Variants in SBF2 observed in about 807,000 individuals in gnomAD.
SBF2 encodes the protein myotubularin-related protein 13.
A neutral mutation model predicts 225.2 loss-of-function variants in SBF2; 112 were observed. That is an observed-to-expected ratio of 0.50 (90% confidence interval 0.43 to 0.58). The LOEUF is 0.58. Among genes scored for constraint, SBF2 ranks in the 20% least tolerant of loss-of-function variants. SBF2 has a pLI of 0.00. For missense variants in SBF2, 1,996 were observed against 2,206.2 expected (o/e 0.90, Z 1.91); for synonymous variants, 763 against 773.3 (o/e 0.99, Z 0.22).
chr11:9,939,984 C>G (rs1430094565), intron 16 of SBF2, among the ~76,000 whole-genome samples: 1 of 152,162 alleles, frequency 6.6e-6, no homozygotes, highest in Non-Finnish European at 1.5e-5. Flanking sequence ...TATATTGACA[C>G]TGAATCTCTT....
intron 2 of SBF2, among the ~76,000 whole-genome samples, chr11:10,127,546 G>A (rs1470375349): frequency 3.3e-5 from 5 of 151,970 alleles, no homozygotes; most frequent in Admixed American, 3.3e-4. Flanking sequence ...AGTTCTCCAT[G>A]GAGTCTTTCC....
chr11:10,078,087 G>T (rs147697623), intron 2 of SBF2, among the ~76,000 whole-genome samples: 1 of 152,182 alleles, frequency 6.6e-6, no homozygotes, highest in African/African-American at 2.4e-5. Flanking sequence ...ACCACAATGA[G>T]ATACCATCTC....
chr11:10,188,098 AT>A (rs1294047943), intron 2 of SBF2, among the ~76,000 whole-genome samples: 1 of 152,236 alleles, frequency 6.6e-6, no homozygotes, highest in East Asian at 1.9e-4. Context: ...ACTGAACCAC[AT>A]TAGTCTCTTA....
At chr11:10,015,759 C>T (rs1204321464) in intron 6 of SBF2, among the ~76,000 whole-genome samples, 2 of 152,006 alleles carry the variant, frequency 1.3e-5, no homozygotes, top group African/African-American at 4.8e-5. Flanking sequence ...TATGTCATGT[C>T]AAGTCTAGTC....
intron 2 of SBF2, among the ~76,000 whole-genome samples, chr11:10,104,231 T>C (rs1952453443): frequency 6.6e-6 from 1 of 152,246 alleles, no homozygotes; most frequent in East Asian, 1.9e-4. Context: ...GAGGCAAAAA[T>C]TTGTGTCCTA....
intron 3 of SBF2, among the ~76,000 whole-genome samples, chr11:10,038,265 A>G (rs1245595835): frequency 6.6e-6 from 1 of 152,022 alleles, no homozygotes; most frequent in East Asian, 1.9e-4. Context: ...CCTCATCTGT[A>G]AAATGGAAAT....
chr11:10,176,977 A>T (rs1591142791), intron 2 of SBF2, among the ~76,000 whole-genome samples: 1 of 152,076 alleles, frequency 6.6e-6, no homozygotes, highest in African/African-American at 2.4e-5. Context: ...GCAGCACATC[A>T]AAAAGCTTAT....
At chr11:9,888,545 A>G (rs1353149305) in intron 17 of SBF2, among the ~76,000 whole-genome samples, 1 of 151,628 alleles carries the variant, frequency 6.6e-6, no homozygotes, top group Non-Finnish European at 1.5e-5. Context: ...TGAAACTTAT[A>G]AATAATACTA....
At chr11:10,242,835 C>A (rs1217030285) in intron 1 of SBF2, among the ~76,000 whole-genome samples, 12 of 152,082 alleles carry the variant, frequency 7.9e-5, no homozygotes, top group Admixed American at 7.9e-4. Context: ...CTGCTAAATA[C>A]ATAAAGATTG....
chr11:10,016,194 T>G (rs1402003793), intron 6 of SBF2, among the ~76,000 whole-genome samples: 1 of 152,122 alleles, frequency 6.6e-6, no homozygotes, highest in Non-Finnish European at 1.5e-5. Flanking sequence ...TCAGATAAAT[T>G]GTGAAGAAGG....
chr11:10,276,164 C>A (rs1303712495), intron 1 of SBF2, among the ~76,000 whole-genome samples: 4 of 152,164 alleles, frequency 2.6e-5, no homozygotes, highest in Non-Finnish European at 5.9e-5. Context: ...AAAACAGCAA[C>A]CATACTTTGC....
chr11:10,252,256 T>C (rs528756302), intron 1 of SBF2, among the ~76,000 whole-genome samples: 1 of 152,356 alleles, frequency 6.6e-6, no homozygotes, highest in South Asian at 2.1e-4. Flanking sequence ...ACTAAAGTTT[T>C]GGTCAATCTC....
At chr11:9,883,934 C>A (rs1320389805) in intron 17 of SBF2, among the ~76,000 whole-genome samples, 1 of 152,150 alleles carries the variant, frequency 6.6e-6, no homozygotes, top group Non-Finnish European at 1.5e-5. Flanking sequence ...CCAGTGTCTA[C>A]TGGTGAAGTA....
intron 6 of SBF2, among the ~76,000 whole-genome samples, chr11:10,004,483 C>A (rs1052497982): frequency 1.3e-5 from 2 of 150,428 alleles, no homozygotes; most frequent in African/African-American, 4.9e-5. Flanking sequence ...CTCAGGACCC[C>A]CAAACCACCA....
chr11:10,151,373 A>G lies in SBF2; in HGVS notation c.141+42529T>C, dbSNP rs763824903. On this transcript the variant is annotated intron_variant, in intron 2 of 39. Coordinates refer to ENST00000256190, the MANE Select transcript of SBF2 (RefSeq NM_030962.4). ...TTTAATTAGGATTCCTTTCCTCCCC[A>G]TGTTGTTGAAAGTCAAAGAAACAGC... Among the ~76,000 whole-genome samples, 6 of 152,178 alleles carry G rather than the reference A, an allele frequency of 3.9e-5. No homozygotes were observed. In the South Asian group the frequency reaches 8.3e-4, roughly 21 times the overall value.
intron 16 of SBF2, among the ~76,000 whole-genome samples, chr11:9,911,057 CAAAAAAACA>C (rs995402094): frequency 2.2e-4 from 31 of 143,840 alleles, no homozygotes; most frequent in Non-Finnish European, 2.7e-4. Flanking sequence ...GACTCCATCT[CAAAAAAACA>C]AAAAAAACAA....
At chr11:10,092,035 T>A (rs1165897339) in intron 2 of SBF2, among the ~76,000 whole-genome samples, 2 of 152,284 alleles carry the variant, frequency 1.3e-5, no homozygotes, top group South Asian at 2.1e-4. Flanking sequence ...AACTTTAAAA[T>A]AATTAAACAT....
rs770201190 is a variant in SBF2 at position 9,853,584 on chromosome 11, C to T, written c.2492G>A (p.Gly831Glu). 88 of 1,613,818 alleles carry T rather than the reference C, an allele frequency of 5.5e-5. No individual in the cohort carries two copies. The highest frequency in any genetic ancestry group is 7.3e-5 in the Non-Finnish European group (86 of 1,179,924). ...RFIDKVCTES[G>E]VTQDHIKSLH... The stretch of plus-strand genomic sequence containing the variant: ...GCTCTTGATGTGATCCTGAGTAACT[C>T]CACTCTCTGTACAAACTTTGTCAAT... The change falls in exon 20 of 40, where the codon GGA (glycine) becomes GAA (glutamate). Residue 831 changes from glycine (G) to glutamate (E), a missense_variant. Physicochemically the swap from Gly to Glu is moderately conservative, Grantham distance 98. Transcript: ENST00000256190.
chr11:10,233,221 C>G (rs941142322), intron 1 of SBF2, among the ~76,000 whole-genome samples: 5 of 152,052 alleles, frequency 3.3e-5, no homozygotes, highest in Non-Finnish European at 5.9e-5. Flanking sequence ...TTAATTTTTC[C>G]TTACAAAGTA....
Sources: allele counts gnomAD v4.1 joint callset (sites outside exome capture counted in the v4.1 genomes callset), GRCh38; gene constraint gnomAD v4.1.1; transcripts MANE v1.5; gene names NCBI Gene and HGNC (gene_info 2026-07-23, HGNC 2026-07-21).